The following TNS1 variants were observed in gnomAD, a reference collection of about 807,000 sequenced individuals.
The protein encoded by TNS1 is tensin 1, also known as tensin-1.
Under a neutral mutation model 168.6 loss-of-function variants are expected in TNS1, and 62 were observed. That is an observed-to-expected ratio of 0.37 (90% confidence interval 0.30 to 0.45). The LOEUF is 0.45. Among genes scored for constraint, TNS1 ranks in the 20% least tolerant of loss-of-function variants. The pLI is 1.00. For missense variants in TNS1, 2,240 were observed against 2,339.4 expected (o/e 0.96, Z 0.88); for synonymous variants, 934 against 933.2 (o/e 1.00, Z -0.02).
At chr2:217,881,398 G>C (rs537678817) in intron 17 of TNS1, 23 of 186,136 alleles carry the variant, frequency 1.2e-4, no homozygotes, top group Non-Finnish European at 1.6e-4. Flanking sequence ...CCCTGGGGGT[G>C]GGGGGCAGGC....
chr2:218,003,436 C>T (rs1219283389), upstream of TNS1, among the ~76,000 whole-genome samples: 1 of 152,244 alleles, frequency 6.6e-6, no homozygotes, highest in East Asian at 1.9e-4. Context: ...TCTGAGTACC[C>T]GTGCCTGCCT....
chr2:217,955,523 G>C (rs149746110), intron 3 of TNS1, among the ~76,000 whole-genome samples: 1 of 152,260 alleles, frequency 6.6e-6, no homozygotes, highest in East Asian at 1.9e-4. Flanking sequence ...CACAGTGCCC[G>C]TCCACCACCA....
At chr2:218,005,606 T>G (rs1024175456), upstream of TNS1, among the ~76,000 whole-genome samples, 1 of 152,250 alleles carries the variant, frequency 6.6e-6, no homozygotes, top group Non-Finnish European at 1.5e-5. Context: ...CTTCACAGCC[T>G]GGTGTCTCCA....
intron 30 of TNS1, among the ~76,000 whole-genome samples, chr2:217,809,224 G>T (rs1385781371): frequency 1.2e-5 from 1 of 81,034 alleles, no homozygotes; most frequent in African/African-American, 6.4e-5. Flanking sequence ...TGCATGGATG[G>T]ATGGATGGAT....
intron 32 of TNS1, 109 bp from the exon 33 acceptor site, chr2:217,804,712 T>C: frequency 7.1e-7 from 1 of 1,409,278 alleles, no homozygotes; most frequent in South Asian, 1.3e-5. Context: ...CTCTTCCCCA[T>C]CCCTCCAGCA....
chr2:217,974,425 T>C (rs1264781117), intron 3 of TNS1, among the ~76,000 whole-genome samples: 2 of 152,212 alleles, frequency 1.3e-5, no homozygotes, highest in Non-Finnish European at 2.9e-5. Context: ...GGAAGACTTG[T>C]TTCTCAAAAT....
At chr2:217,838,590 C>T (rs1398139299) in intron 19 of TNS1, among the ~76,000 whole-genome samples, 6 of 152,246 alleles carry the variant, frequency 3.9e-5, no homozygotes, top group African/African-American at 9.6e-5. Flanking sequence ...TCCACTCCCA[C>T]GGGGCCAGCC....
At chr2:217,872,834 T>C (rs1157948503) in intron 18 of TNS1, among the ~76,000 whole-genome samples, 1 of 152,262 alleles carries the variant, frequency 6.6e-6, no homozygotes, top group Non-Finnish European at 1.5e-5. Context: ...AAATATGGTA[T>C]GGCCTACAAT....
At chr2:217,934,344 AAGG>A (rs1229909135) in intron 3 of TNS1, among the ~76,000 whole-genome samples, 1 of 152,140 alleles carries the variant, frequency 6.6e-6, no homozygotes, top group Admixed American at 6.5e-5. Context: ...CCCAGCTCCT[AAGG>A]AGGACAGGGA....
intron 19 of TNS1, among the ~76,000 whole-genome samples, chr2:217,846,972 A>G (rs1247070467): frequency 1.3e-5 from 2 of 152,228 alleles, no homozygotes; most frequent in Non-Finnish European, 2.9e-5. Flanking sequence ...CATGGCCTCT[A>G]GGAGCGGGAC....
At chr2:218,001,788 C>T (rs1363523719) in intron 1 of TNS1, among the ~76,000 whole-genome samples, 1 of 152,048 alleles carries the variant, frequency 6.6e-6, no homozygotes, top group Non-Finnish European at 1.5e-5. Flanking sequence ...GTTTGTGTTC[C>T]CACAACTGCC....
At chr2:217,976,742 T>C (rs1171621499) in intron 3 of TNS1, among the ~76,000 whole-genome samples, 1 of 152,238 alleles carries the variant, frequency 6.6e-6, no homozygotes, top group African/African-American at 2.4e-5. Context: ...TTTCTGGGCC[T>C]CTCTGGGCCA....
chr2:217,963,184 G>A (rs1391494474), intron 3 of TNS1, among the ~76,000 whole-genome samples: 1 of 152,186 alleles, frequency 6.6e-6, no homozygotes, highest in African/African-American at 2.4e-5. Flanking sequence ...GAGGTCCCGA[G>A]ATACCTCCAG....
At chr2:217,972,196 G>T (rs1212633264) in intron 3 of TNS1, among the ~76,000 whole-genome samples, 1 of 152,178 alleles carries the variant, frequency 6.6e-6, no homozygotes, top group Non-Finnish European at 1.5e-5. Flanking sequence ...GAAGAAGCTG[G>T]GGCTCAGAGA....
chr2:217,925,114 T>G (rs150404355), intron 3 of TNS1, among the ~76,000 whole-genome samples: 1,765 of 152,308 alleles, frequency 0.012, 16 homozygotes, highest in Middle Eastern at 0.024. Context: ...AAAATATAAG[T>G]GCTATTATTG....
intron 18 of TNS1, among the ~76,000 whole-genome samples, chr2:217,875,090 G>A (rs1950099014): frequency 6.6e-6 from 1 of 152,196 alleles, no homozygotes. Context: ...TTCTAGGCAG[G>A]AGCAGTGTGC....
chr2:217,825,490 C>A (rs1302893614), intron 22 of TNS1, among the ~76,000 whole-genome samples: 3 of 152,216 alleles, frequency 2.0e-5, no homozygotes, highest in Non-Finnish European at 2.9e-5. Flanking sequence ...TAGGTTGCTC[C>A]ATTGGAATGA....
rs191977179 is a variant in TNS1, at chr2:217,953,453, A to T, written c.186+25312T>A. 4.3e-3 allele frequency among the ~76,000 whole-genome samples: 659 copies of T among 152,368 alleles called. 8 individuals carry two copies. The highest frequency in any genetic ancestry group is 0.015 in the African/African-American group (631 of 41,590). On this transcript the variant is annotated intron_variant, in intron 3 of 32. Transcript: ENST00000682258. ...GCCATTAACTGCAAATTAAAAAAAT[A>T]AAAAGAAAGAAAGAAAAGTTTGGTG...
chr2:217,858,020 A>G (rs1322454591), intron 18 of TNS1, among the ~76,000 whole-genome samples: 2 of 152,198 alleles, frequency 1.3e-5, no homozygotes, highest in Non-Finnish European at 2.9e-5. Context: ...ATGGGAGCCC[A>G]CAGGAGGCCG....
Sources: gnomAD v4.1 joint callset for allele counts (sites outside exome capture counted in the v4.1 genomes callset) on GRCh38, gnomAD v4.1.1 for gene constraint, MANE v1.5 for transcripts, NCBI Gene and HGNC (gene_info 2026-07-23, HGNC 2026-07-21) for gene names.